The following MTMR7 variants were observed in gnomAD, a reference collection of about 807,000 sequenced individuals.
MTMR7 encodes myotubularin related protein 7.
Under a neutral mutation model 81.2 loss-of-function variants are expected in MTMR7, and 76 were observed. The observed-to-expected ratio is 0.94, with a 90% CI of 0.78 to 1.13. The LOEUF is 1.13. Ranked by LOEUF, MTMR7 falls within the 50% of genes most tolerant of loss-of-function variation. MTMR7 has a pLI of 0.00. For synonymous variants in MTMR7, 372 were observed against 289.8 expected, an observed-to-expected ratio of 1.28 and a Z score of -2.88; for missense variants, 1,044 against 820.0, an observed-to-expected ratio of 1.27 and a Z score of -3.34.
At chr8:17,318,235 A>C (rs1818201204) in intron 7 of MTMR7, among the ~76,000 whole-genome samples, 1 of 152,132 alleles carries the variant, frequency 6.6e-6, no homozygotes, top group Non-Finnish European at 1.5e-5. Context: ...CCCCAAGATA[A>C]GGAATTATCA....
At chr8:17,408,864 G>A (rs559457986) in intron 1 of MTMR7, among the ~76,000 whole-genome samples, 42 of 152,164 alleles carry the variant, frequency 2.8e-4, no homozygotes, top group Non-Finnish European at 5.6e-4. Flanking sequence ...TTTCTTTTGG[G>A]GGTGACAAAA....
At chr8:17,401,144 G>C (rs755386317) in intron 1 of MTMR7, among the ~76,000 whole-genome samples, 1 of 152,094 alleles carries the variant, frequency 6.6e-6, no homozygotes, top group Non-Finnish European at 1.5e-5. Context: ...GTATGTTACA[G>C]AAAAAATGCT....
chr8:17,378,090 T>C (rs1820644674), intron 1 of MTMR7, among the ~76,000 whole-genome samples: 2 of 152,170 alleles, frequency 1.3e-5, no homozygotes, highest in African/African-American at 2.4e-5. Context: ...GAGATTAGAA[T>C]ACTACCATTG....
At chr8:17,325,259 C>A (rs1324459846) in intron 7 of MTMR7, among the ~76,000 whole-genome samples, 1 of 152,112 alleles carries the variant, frequency 6.6e-6, no homozygotes, top group Non-Finnish European at 1.5e-5. Context: ...AGGCATCCAA[C>A]ATGTGACCGT....
At chr8:17,343,372 G>C (rs1819462361) in intron 5 of MTMR7, among the ~76,000 whole-genome samples, 1 of 152,094 alleles carries the variant, frequency 6.6e-6, no homozygotes, top group South Asian at 2.1e-4. Context: ...AGAGTTTGCA[G>C]TGCACTGAGA....
At chr8:17,332,466 C>T (rs200222901) in intron 6 of MTMR7, among the ~76,000 whole-genome samples, 7 of 152,204 alleles carry the variant, frequency 4.6e-5, no homozygotes, top group Non-Finnish European at 8.8e-5. Flanking sequence ...CCCTGACCTG[C>T]GAGCAGTGAC....
chr8:17,394,984 C>T (rs536749235), intron 1 of MTMR7, among the ~76,000 whole-genome samples: 25 of 152,264 alleles, frequency 1.6e-4, no homozygotes, highest in Admixed American at 1.4e-3. Context: ...GCGTTAAGTA[C>T]ATTCACTGTT....
At chr8:17,318,214 T>C (rs1006009466) in intron 7 of MTMR7, among the ~76,000 whole-genome samples, 1 of 152,128 alleles carries the variant, frequency 6.6e-6, no homozygotes, top group African/African-American at 2.4e-5. Flanking sequence ...ACCTTCCTTA[T>C]GCACGGAAGC....
At position 17,349,099 on chromosome 8, in the gene MTMR7, A is replaced by C; in HGVS notation, c.469-18T>G. 1 of 1,609,496 alleles carries C rather than the reference A, an allele frequency of 6.2e-7. No homozygotes were observed. The highest frequency in any genetic ancestry group is 8.5e-7 in the Non-Finnish European group (1 of 1,178,774). On this transcript the variant is annotated intron_variant, in intron 4 of 13. Coordinates refer to ENST00000180173, the MANE Select transcript of MTMR7 (RefSeq NM_004686.5). ...TCACAGACCTGTCACCAGAAAATACAAAGAGATTTTTAGGCCATCTAGTAA... is the reference window on the plus strand; with the variant it reads ...TCACAGACCTGTCACCAGAAAATACCAAGAGATTTTTAGGCCATCTAGTAA...
At chr8:17,333,060 T>C (rs1189054469) in intron 6 of MTMR7, among the ~76,000 whole-genome samples, 2 of 152,118 alleles carry the variant, frequency 1.3e-5, no homozygotes, top group African/African-American at 2.4e-5. Context: ...GGATAAGCCA[T>C]TGCCATAGGA....
chr8:17,338,503 A>C (rs149481909), intron 6 of MTMR7, among the ~76,000 whole-genome samples: 1 of 152,330 alleles, frequency 6.6e-6, no homozygotes, highest in Non-Finnish European at 1.5e-5. Flanking sequence ...TCTTGTCTTC[A>C]GTATATCTAA....
At position 17,335,127 on chromosome 8, in the gene MTMR7, A is replaced by T. The variant is rs566467625; in HGVS notation, c.733-3845T>A. Among the ~76,000 whole-genome samples the T allele has an allele frequency of 1.4e-4, 21 of 152,312 alleles. 1 individual carries two copies. The highest frequency in any genetic ancestry group is 1.4e-3 in the Admixed American group (21 of 15,304). ...AACTGGAGACTGATTTAGTGTCCAC[A>T]ACAGAGAAGATGCACAGGAATAAGG... On this transcript the variant is annotated intron_variant, in intron 6 of 13. Transcript: ENST00000180173.
intron 3 of MTMR7, among the ~76,000 whole-genome samples, chr8:17,369,803 G>A (rs533830994): frequency 3.2e-4 from 49 of 151,660 alleles, no homozygotes; most frequent in Non-Finnish European, 6.9e-4. Flanking sequence ...ACACTGCCAC[G>A]CCCAGCTAAT....
At chr8:17,341,142 G>A (rs1336346469) in intron 6 of MTMR7, among the ~76,000 whole-genome samples, 1 of 152,204 alleles carries the variant, frequency 6.6e-6, no homozygotes, top group Non-Finnish European at 1.5e-5. Context: ...ACAATGCTAG[G>A]GGCAGGGGAA....
chr8:17,398,637 T>C (rs111984550), intron 1 of MTMR7, among the ~76,000 whole-genome samples: 2,899 of 152,210 alleles, frequency 0.019, 101 homozygotes, highest in African/African-American at 0.066. Flanking sequence ...ATAAAGTGTA[T>C]TCAAAGCGAT....
At chr8:17,364,967 T>G (rs73565103) in intron 3 of MTMR7, among the ~76,000 whole-genome samples, 4,233 of 152,344 alleles carry the variant, frequency 0.028, 196 homozygotes, top group African/African-American at 0.096. Context: ...TAATTCTATT[T>G]TTTGTTTGTT....
chr8:17,413,135 C>T, intron 1 of MTMR7, 134 bp downstream of exon 1: 1 of 1,031,938 alleles, frequency 9.7e-7, no homozygotes, highest in Non-Finnish European at 1.5e-6. Flanking sequence ...CAGGCAATGC[C>T]TGCTCCTCCC....
rs73666106 is a variant in MTMR7, at chr8:17,304,498, T to A, written c.1374A>T (p.Ser458=). ...RELKIQERTY[S]LWAHLWKNRA... ...GATTCTTCCACAGGTGAGCCCATAATGAGTATGTTCTTTCTTGAATCCTGT... is the reference window on the plus strand; with the variant it reads ...GATTCTTCCACAGGTGAGCCCATAAAGAGTATGTTCTTTCTTGAATCCTGT... The change falls in exon 12 of 14, where the codon TCA becomes TCT. Residue 458 remains serine (S), a synonymous_variant. Coordinates refer to ENST00000180173, the MANE Select transcript of MTMR7 (RefSeq NM_004686.5). 1 of 1,613,844 alleles carries A rather than the reference T, an allele frequency of 6.2e-7. No homozygotes were observed. The highest frequency in any genetic ancestry group is 1.7e-5 in the Admixed American group (1 of 60,018).
rs75188074 is a variant in MTMR7 at position 17,379,006 on chromosome 8, A to G, written c.25-5766T>C. On this transcript the variant is annotated intron_variant, in intron 1 of 13. Coordinates refer to ENST00000180173, the MANE Select transcript of MTMR7 (RefSeq NM_004686.5). ...CCAATGTTTAAAGGTCTACATGAAG[A>G]AGAGGAATCAGAAAAGCACAGAAAC... 4.2e-3 allele frequency among the ~76,000 whole-genome samples: 639 copies of G among 152,340 alleles called. 1 individual carries two copies. Among genetic ancestry groups the G allele is most frequent in the Non-Finnish European group, 7.3e-3 (500 of 68,036 alleles).
Sources: allele counts gnomAD v4.1 joint callset (sites outside exome capture counted in the v4.1 genomes callset), GRCh38; gene constraint gnomAD v4.1.1; transcripts MANE v1.5; gene names NCBI Gene and HGNC (gene_info 2026-07-23, HGNC 2026-07-21).